Variants in TBC1D20 observed in about 807,000 individuals in gnomAD.
The protein encoded by TBC1D20 is TBC1 domain family member 20, also known as chromosome 20 open reading frame 140.
Under a neutral mutation model 41.6 loss-of-function variants are expected in TBC1D20, and 12 were observed. The observed-to-expected ratio is 0.29, with a 90% confidence interval of 0.18 to 0.47. The LOEUF is 0.47. TBC1D20 is among the 20% of genes least tolerant of loss of function. TBC1D20 has a pLI of 1.00. For synonymous variants in TBC1D20, 205 were observed against 204.8 expected, an observed-to-expected ratio of 1.00 and a Z score of -0.01; for missense variants, 421 against 517.4, an observed-to-expected ratio of 0.81 and a Z score of 1.81.
At chr20:453,215 G>A (rs1372039796) in intron 1 of TBC1D20, among the ~76,000 whole-genome samples, 1 of 136,348 alleles carries the variant, frequency 7.3e-6, no homozygotes, top group Non-Finnish European at 1.5e-5. Context: ...GCTCACGCCT[G>A]TAATCCTCGC....
intron 3 of TBC1D20, among the ~76,000 whole-genome samples, chr20:443,446 C>T (rs2017275269): frequency 6.6e-6 from 1 of 152,186 alleles, no homozygotes; most frequent in African/African-American, 2.4e-5. Flanking sequence ...CTTCTCCACA[C>T]CATTAGCTTT....
At chr20:454,614 T>A (rs6515826) in intron 1 of TBC1D20, among the ~76,000 whole-genome samples, 77,761 of 151,710 alleles carry the variant, frequency 0.51, 20,488 homozygotes, top group African/African-American at 0.59. Context: ...CTGAGACCAT[T>A]GTGAGTCTAC....
At chr20:444,058 GA>G (rs1232618482) in intron 3 of TBC1D20, among the ~76,000 whole-genome samples, 1 of 152,000 alleles carries the variant, frequency 6.6e-6, no homozygotes, top group Non-Finnish European at 1.5e-5. Context: ...CTGAACCTGG[GA>G]GGCGGAGGTT....
intron 2 of TBC1D20, among the ~76,000 whole-genome samples, chr20:447,540 C>T (rs1447580492): frequency 6.6e-6 from 1 of 151,940 alleles, no homozygotes; most frequent in Admixed American, 6.6e-5. Context: ...TGTCTGTAAT[C>T]CCAGCTACTA....
chr20:454,650 C>T (rs1422177747), intron 1 of TBC1D20, among the ~76,000 whole-genome samples: 2 of 149,512 alleles, frequency 1.3e-5, no homozygotes, highest in African/African-American at 2.5e-5. Context: ...CAAAGCTGTA[C>T]ATTATTATTA....
At position 447,895 on chromosome 20, in the gene TBC1D20, T is replaced by G. The variant is rs2017365740; in HGVS notation, c.250A>C (p.Ile84Leu). 3 of 1,611,368 alleles carry G rather than the reference T, an allele frequency of 1.9e-6. No homozygotes were observed. Among genetic ancestry groups the G allele is most frequent in the Non-Finnish European group, 2.5e-6 (3 of 1,178,872 alleles). Residue 84 changes from isoleucine to leucine, a missense_variant, in exon 2 of 8, where the codon ATA becomes CTA. Ile to Leu is a conservative substitution (Grantham distance 5). This residue lies in a region of TBC1D20 where 150 missense variants were observed against 151.3 expected (regional missense o/e 0.99). Coordinates refer to ENST00000354200, the MANE Select transcript of TBC1D20 (RefSeq NM_144628.4). ...LNVNANDPPPISGKNLRQMSK... is the reference protein window; with the variant it reads ...LNVNANDPPPLSGKNLRQMSK... ...CCTCCCCCACTCCCCTTACCTGATA[T>G]AGGAGGTGGGTCATTGGCATTGACA...
intron 2 of TBC1D20, among the ~76,000 whole-genome samples, chr20:446,943 A>AGTT (rs1491315984): frequency 5.3e-5 from 4 of 75,884 alleles, no homozygotes; most frequent in South Asian, 4.5e-4. Flanking sequence ...CAAAATACGC[A>AGTT]TTTTTTTTTT....
At chr20:446,943 A>AT (rs35489596) in intron 2 of TBC1D20, among the ~76,000 whole-genome samples, 1,790 of 75,842 alleles carry the variant, frequency 0.024, 61 homozygotes, top group Admixed American at 0.084. Flanking sequence ...CAAAATACGC[A>AT]TTTTTTTTTT....
In TBC1D20 at chr20:435,666, T is replaced by C. The variant is rs1445480508; in HGVS notation, c.*2920A>G. ...AAGTTCTCGTTCCCCTCCCTCCACATGTTCAGCTCTTCAGAAGCTCCCGTG... is the reference window on the plus strand; with the variant it reads ...AAGTTCTCGTTCCCCTCCCTCCACACGTTCAGCTCTTCAGAAGCTCCCGTG... On this transcript the variant is annotated 3_prime_UTR_variant, in exon 8 of 8. Transcript: ENST00000354200. 1 of 153,280 alleles carries C rather than the reference T, an allele frequency of 6.5e-6. No individual in the cohort carries two copies. Among genetic ancestry groups the C allele is most frequent in the East Asian group, 1.9e-4 (1 of 5,194 alleles). 9.5% of individuals were successfully genotyped at this position (153,280 alleles called of 1,614,324 possible). A position where few individuals can be genotyped will look rare whatever the true frequency, so the allele number is the denominator to read the frequency against.
At chr20:451,546 T>A (rs552719491) in intron 1 of TBC1D20, among the ~76,000 whole-genome samples, 180 of 152,246 alleles carry the variant, frequency 1.2e-3, no homozygotes, top group African/African-American at 4.1e-3. Flanking sequence ...AGACTCTGTC[T>A]CAAAAGAAAA....
intron 1 of TBC1D20, among the ~76,000 whole-genome samples, chr20:457,000 G>A (rs1160026085): frequency 1.4e-5 from 2 of 142,500 alleles, no homozygotes; most frequent in Non-Finnish European, 3.0e-5. Context: ...GCAACGGCAC[G>A]ATCTCAGCTC....
chr20:449,797 G>A (rs1054127317), intron 1 of TBC1D20, among the ~76,000 whole-genome samples: 9 of 152,126 alleles, frequency 5.9e-5, no homozygotes, highest in South Asian at 4.1e-4. Flanking sequence ...TCCTCACTCT[G>A]AAACAACATG....
Position 439,371 on chromosome 20 carries a change from T to C in TBC1D20, c.769-76A>G. 1 of 1,152,834 alleles carries C rather than the reference T, an allele frequency of 8.7e-7. No individual in the cohort carries two copies. Among genetic ancestry groups the C allele is most frequent in the Non-Finnish European group, 1.2e-6 (1 of 805,796 alleles). The allele number at this position is 1,152,834 out of a possible 1,614,324, so 71.4% of individuals were successfully genotyped here. Reference sequence around the variant, plus strand: ...TGGGCCACCTGCACTCCATTATCCTTGCAGATGAATTTAAACTGGTAACAG... The same window carrying C: ...TGGGCCACCTGCACTCCATTATCCTCGCAGATGAATTTAAACTGGTAACAG... On this transcript the variant is annotated intron_variant, in intron 6 of 7. Coordinates refer to ENST00000354200, the MANE Select transcript of TBC1D20 (RefSeq NM_144628.4). This position sits in a 1 kb window ranked among gnomAD's most constrained non-coding sequence, Gnocchi z 4.6.
At chr20:448,965 G>A (rs6084464) in intron 1 of TBC1D20, among the ~76,000 whole-genome samples, 4 of 141,940 alleles carry the variant, frequency 2.8e-5, no homozygotes, top group Non-Finnish European at 6.1e-5. Flanking sequence ...TTCTGCCTCA[G>A]CCTCCCAAGT....
At chr20:460,225 TGGAG>T (rs1237894692) in intron 1 of TBC1D20, among the ~76,000 whole-genome samples, 2 of 151,882 alleles carry the variant, frequency 1.3e-5, no homozygotes, top group East Asian at 3.9e-4. Context: ...CCGTTTTGTG[TGGAG>T]GGAGGGAGAC....
chr20:436,972 G>T lies in TBC1D20; in HGVS notation c.*1614C>A, dbSNP rs2017130021. 6.6e-6 allele frequency: 1 copy of T among 152,148 alleles called. No homozygotes were observed. The highest frequency in any genetic ancestry group is 2.4e-5 in the African/African-American group (1 of 41,402). 9.4% of individuals were successfully genotyped at this position (152,148 alleles called of 1,614,324 possible). A position where few individuals can be genotyped will look rare whatever the true frequency, so the allele number is the denominator to read the frequency against. On this transcript the variant is annotated 3_prime_UTR_variant, in exon 8 of 8. Coordinates refer to ENST00000354200, the MANE Select transcript of TBC1D20 (RefSeq NM_144628.4). ...TACTAAAAATACAAAAATTAGTCAG[G>T]CGTGGTAGCAGGTGCCTGTAGTCCC...
intron 1 of TBC1D20, among the ~76,000 whole-genome samples, chr20:453,816 C>T (rs1251801568): frequency 2.0e-5 from 3 of 146,480 alleles, no homozygotes; most frequent in Admixed American, 2.0e-4. Flanking sequence ...TCCCAAAGTA[C>T]TGAGATTACA....
chr20:453,203 T>C (rs1311095021), intron 1 of TBC1D20, among the ~76,000 whole-genome samples: 4 of 131,374 alleles, frequency 3.0e-5, no homozygotes, highest in African/African-American at 1.1e-4. Flanking sequence ...CTGGGCGCAG[T>C]GGCTCACGCC....
chr20:442,823 C>A (rs572373649), intron 3 of TBC1D20, among the ~76,000 whole-genome samples: 73 of 152,166 alleles, frequency 4.8e-4, no homozygotes, highest in Non-Finnish European at 7.4e-4. Flanking sequence ...GTAGGCCAGG[C>A]GCGGTGGCTC....
Sources: gnomAD v4.1 joint callset for allele counts (sites outside exome capture counted in the v4.1 genomes callset) on GRCh38, gnomAD v4.1.1 for gene constraint, gnomAD v4.1.1 regional missense constraint, Gnocchi (gnomAD v3.1) non-coding constraint, MANE v1.5 for transcripts, NCBI Gene and HGNC (gene_info 2026-07-23, HGNC 2026-07-21) for gene names.